The following DGKB variants were observed in gnomAD, a reference collection of about 807,000 sequenced individuals.
DGKB encodes the protein diacylglycerol kinase beta.
In DGKB, 67 loss-of-function variants were observed where a neutral mutation model predicts 114.3. The observed-to-expected ratio is 0.59, with a 90% CI of 0.48 to 0.72. The LOEUF (loss-of-function observed/expected upper bound fraction) is 0.72. Ranked by LOEUF, DGKB falls within the 30% of genes least tolerant of loss-of-function variation. The pLI, the probability that DGKB is intolerant of heterozygous loss-of-function variation, is 0.00. For synonymous variants in DGKB, 398 were observed against 323.1 expected, an observed-to-expected ratio of 1.23 and a Z score of -2.49; for missense variants, 907 against 975.2, an observed-to-expected ratio of 0.93 and a Z score of 0.93.
At chr7:14,411,006 CTCT>C (rs1824778603) in intron 21 of DGKB, among the ~76,000 whole-genome samples, 1 of 152,098 alleles carries the variant, frequency 6.6e-6, no homozygotes, top group South Asian at 2.1e-4. Context: ...TTGAATTTTG[CTCT>C]TCTCCCGGGT....
intron 22 of DGKB, among the ~76,000 whole-genome samples, chr7:14,339,493 C>T (rs1396822525): frequency 4.0e-5 from 6 of 151,868 alleles, no homozygotes; most frequent in African/African-American, 1.4e-4. Context: ...GGTGACAAAA[C>T]ACCCTGGTGA....
chr7:14,357,560 T>A (rs1814817155), intron 21 of DGKB, among the ~76,000 whole-genome samples: 1 of 152,152 alleles, frequency 6.6e-6, no homozygotes, highest in African/African-American at 2.4e-5. Flanking sequence ...GATTTTCCAG[T>A]CTGTGTCTTT....
chr7:14,636,575 G>C (rs574901775), intron 13 of DGKB, among the ~76,000 whole-genome samples: 1 of 151,740 alleles, frequency 6.6e-6, no homozygotes, highest in Admixed American at 6.6e-5. Context: ...ACATCGGTGT[G>C]TGTCATCATT....
chr7:14,405,621 A>G (rs1429161341), intron 21 of DGKB, among the ~76,000 whole-genome samples: 1 of 152,168 alleles, frequency 6.6e-6, no homozygotes, highest in South Asian at 2.1e-4. Flanking sequence ...ACAAGGTTCT[A>G]GCCACCCTTG....
chr7:14,153,948 A>T (rs1375228267), intron 25 of DGKB, among the ~76,000 whole-genome samples: 1 of 151,992 alleles, frequency 6.6e-6, no homozygotes, highest in South Asian at 2.1e-4. Context: ...TCAGTCACAA[A>T]AGTATCTAGA....
chr7:14,738,788 G>C (rs1453131665), intron 4 of DGKB, among the ~76,000 whole-genome samples: 1 of 152,200 alleles, frequency 6.6e-6, no homozygotes, highest in African/African-American at 2.4e-5. Context: ...ACTTCCAGAA[G>C]TAGTAAAGGA....
intron 2 of DGKB, among the ~76,000 whole-genome samples, chr7:14,817,547 G>C (rs1452094517): frequency 6.6e-6 from 1 of 152,046 alleles, no homozygotes; most frequent in Non-Finnish European, 1.5e-5. Context: ...AGTAAACATT[G>C]GGTTTTGATT....
chr7:14,742,414 C>T lies in DGKB; in HGVS notation c.169-6220G>A, dbSNP rs535179923. ...AATATTTTTTCAAGGAAAATACAAGCTGTAGTAACTTTTAGTTCATGTAGC... is the reference window on the plus strand; with the variant it reads ...AATATTTTTTCAAGGAAAATACAAGTTGTAGTAACTTTTAGTTCATGTAGC... On this transcript the variant is annotated intron_variant, in intron 4 of 25. Transcript: ENST00000402815. 4.6e-5 allele frequency among the ~76,000 whole-genome samples: 7 copies of T among 152,262 alleles called. No individual in the cohort carries two copies. The South Asian group carries it at 1.5e-3, about 32-fold the overall frequency.
chr7:14,396,166 A>G (rs1583628712), intron 21 of DGKB, among the ~76,000 whole-genome samples: 1 of 152,108 alleles, frequency 6.6e-6, no homozygotes, highest in Admixed American at 6.6e-5. Flanking sequence ...TTTTAAATAT[A>G]TTAACTGTGA....
At chr7:14,661,584 G>C (rs1335802091) in intron 13 of DGKB, among the ~76,000 whole-genome samples, 1 of 151,956 alleles carries the variant, frequency 6.6e-6, no homozygotes, top group African/African-American at 2.4e-5. Context: ...TGGAGAAATA[G>C]GAACACTTTT....
chr7:14,398,993 C>A (rs1160657283), intron 21 of DGKB, among the ~76,000 whole-genome samples: 1 of 151,806 alleles, frequency 6.6e-6, no homozygotes, highest in Non-Finnish European at 1.5e-5. Flanking sequence ...CATTTACAAC[C>A]CGCAGACGTG....
intron 1 of DGKB, among the ~76,000 whole-genome samples, chr7:14,918,877 C>A (rs1784369656): frequency 6.6e-6 from 1 of 151,884 alleles, no homozygotes; most frequent in South Asian, 2.1e-4. Flanking sequence ...AACTGGCCAA[C>A]ACGGTGAAAC....
chr7:14,189,846 C>T (rs1562572992), intron 23 of DGKB, among the ~76,000 whole-genome samples: 1 of 152,004 alleles, frequency 6.6e-6, no homozygotes, highest in Non-Finnish European at 1.5e-5. Context: ...ATCAATTCAA[C>T]AAGAGGATAT....
intron 6 of DGKB, among the ~76,000 whole-genome samples, chr7:14,709,758 T>C (rs541573391): frequency 0.022 from 3,022 of 137,404 alleles, 105 homozygotes; most frequent in African/African-American, 0.079. Flanking sequence ...GAGGTGGGAA[T>C]TGAACAATGA....
intron 20 of DGKB, among the ~76,000 whole-genome samples, chr7:14,567,261 TATTA>T (rs1797599590): frequency 2.1e-5 from 1 of 47,362 alleles, no homozygotes; most frequent in African/African-American, 8.8e-5. Context: ...TATATTTATA[TATTA>T]TATATATAAT....
chr7:14,583,007 G>A, intron 18 of DGKB, 45 bp downstream of exon 18: 2 of 1,202,074 alleles, frequency 1.7e-6, no homozygotes, highest in African/African-American at 1.5e-5. Flanking sequence ...AGGATTTAAA[G>A]CTATTGCTCT....
chr7:14,334,934 A>C (rs996624028), intron 23 of DGKB, among the ~76,000 whole-genome samples: 11 of 152,320 alleles, frequency 7.2e-5, no homozygotes, highest in African/African-American at 2.6e-4. Context: ...TTGTATTTAT[A>C]AACACATATG....
rs1290863047 is a variant in DGKB at position 14,877,194 on chromosome 7, AC to A, written c.-188+25397del. The stretch of plus-strand genomic sequence containing the variant: ...AGAATTCAGAATTCACATGTGGTTT[AC>A]CCCCTATTATACGATTGCTGAGAGC... On this transcript the variant is annotated intron_variant, in intron 1 of 25. Coordinates refer to ENST00000402815, the MANE Select transcript of DGKB (RefSeq NM_001350709.2). 3.9e-5 allele frequency among the ~76,000 whole-genome samples: 6 copies of A among 152,270 alleles called. No individual in the cohort carries two copies. In the East Asian group the frequency reaches 1.2e-3, roughly 29 times the overall value.
intron 2 of DGKB, among the ~76,000 whole-genome samples, chr7:14,808,267 A>G (rs1249430792): frequency 6.6e-6 from 1 of 152,074 alleles, no homozygotes; most frequent in African/African-American, 2.4e-5. Flanking sequence ...TGCTCTACAG[A>G]AAATAGCATT....
Sources: gnomAD v4.1 joint callset for allele counts (sites outside exome capture counted in the v4.1 genomes callset) on GRCh38, gnomAD v4.1.1 for gene constraint, MANE v1.5 for transcripts, NCBI Gene and HGNC (gene_info 2026-07-23, HGNC 2026-07-21) for gene names.